The following KTN1 variants were observed in gnomAD, a reference collection of about 807,000 sequenced individuals.
KTN1 encodes the protein kinectin.
Under a neutral mutation model 222.5 loss-of-function variants are expected in KTN1, and 130 were observed. That is an observed-to-expected ratio of 0.58 (90% confidence interval 0.51 to 0.68). KTN1 has a LOEUF of 0.68. Ranked by LOEUF, KTN1 falls within the 30% of genes least tolerant of loss-of-function variation. KTN1 has a pLI of 0.00. For missense variants in KTN1, 1,508 were observed against 1,500.4 expected, an observed-to-expected ratio of 1.01 and a Z score of -0.08; for synonymous variants, 512 against 496.3, an observed-to-expected ratio of 1.03 and a Z score of -0.42.
chr14:55,672,741 G>A (rs761036711), intron 38 of KTN1, 40 bp downstream of exon 38: 5 of 1,360,190 alleles, frequency 3.7e-6, no homozygotes, highest in South Asian at 2.4e-5. Context: ...CTATGGATTT[G>A]TTTTTAGCAT....
chr14:55,594,900 G>C (rs2034764976), intron 1 of KTN1, among the ~76,000 whole-genome samples: 1 of 152,190 alleles, frequency 6.6e-6, no homozygotes, highest in Non-Finnish European at 1.5e-5. Flanking sequence ...TTTTTGGGAA[G>C]TCTGTTTCTT....
At chr14:55,637,684 A>G in intron 11 of KTN1, 95 bp from the exon 12 acceptor site, 1 of 865,122 alleles carries the variant, frequency 1.2e-6, no homozygotes, top group South Asian at 2.2e-5. Context: ...AAAAAAAGAA[A>G]AAGATAAACA....
chr14:55,594,987 C>A (rs2034778615), intron 1 of KTN1, among the ~76,000 whole-genome samples: 1 of 152,154 alleles, frequency 6.6e-6, no homozygotes, highest in African/African-American at 2.4e-5. Context: ...CTTAAGTTGT[C>A]TGCACAGAAA....
intron 9 of KTN1, among the ~76,000 whole-genome samples, chr14:55,636,041 C>T (rs2041085112): frequency 6.6e-6 from 1 of 151,980 alleles, no homozygotes; most frequent in Admixed American, 6.6e-5. Flanking sequence ...TATAAAAATA[C>T]CTCAAAATAA....
intron 1 of KTN1, among the ~76,000 whole-genome samples, chr14:55,606,575 A>G (rs903335375): frequency 2.0e-5 from 3 of 152,048 alleles, no homozygotes; most frequent in Non-Finnish European, 2.9e-5. Context: ...TAGCAGAAGC[A>G]AGAGCAACTG....
rs540393187 is a variant in KTN1 at position 55,636,643 on chromosome 14, A to G, written c.1549+107A>G. 33 of 689,900 alleles carry G rather than the reference A, an allele frequency of 4.8e-5. No homozygotes were observed. In the East Asian group the frequency reaches 9.1e-4, roughly 19 times the overall value. The allele number at this position is 689,900 out of a possible 1,614,324, so 42.7% of individuals were successfully genotyped here. A position where few individuals can be genotyped will look rare whatever the true frequency, so the allele number is the denominator to read the frequency against. ...TAATTTGGCATTTTGGTTATAGCTC[A>G]ATAAAAATAGCTTTTATACTTTCAG... is the stretch of plus-strand genomic sequence containing the variant. On this transcript the variant is annotated intron_variant, in intron 10 of 43. Coordinates refer to ENST00000395314, the MANE Select transcript of KTN1 (RefSeq NM_001079521.2).
At chr14:55,601,152 T>C (rs964907963) in intron 1 of KTN1, among the ~76,000 whole-genome samples, 6 of 152,228 alleles carry the variant, frequency 3.9e-5, no homozygotes, top group Non-Finnish European at 7.3e-5. Flanking sequence ...AATGGAGAAA[T>C]TAAATTTCAT....
intron 12 of KTN1, 132 bp from the exon 13 acceptor site, chr14:55,639,053 C>A: frequency 1.7e-6 from 1 of 587,602 alleles, no homozygotes; most frequent in South Asian, 2.6e-5. Context: ...TGAACACTTA[C>A]CATGGGCCAG....
At chr14:55,611,304 G>C (rs993148577) in intron 1 of KTN1, among the ~76,000 whole-genome samples, 1 of 125,820 alleles carries the variant, frequency 7.9e-6, no homozygotes, top group African/African-American at 3.3e-5. Flanking sequence ...GTTTCGCCAT[G>C]TTGCCCAGGG....
At chr14:55,624,899 T>C (rs1213394326) in intron 5 of KTN1, among the ~76,000 whole-genome samples, 1 of 152,190 alleles carries the variant, frequency 6.6e-6, no homozygotes, top group Admixed American at 6.5e-5. Flanking sequence ...AGCAGTTTCA[T>C]TGCAGTACAA....
Position 55,636,544 on chromosome 14 carries a change from G to A in KTN1, c.1549+8G>A. 6.3e-7 allele frequency: 1 copy of A among 1,594,042 alleles called. No individual in the cohort carries two copies. Among genetic ancestry groups the A allele is most frequent in the South Asian group, 1.1e-5 (1 of 88,618 alleles). ...ATGAGGCAGCACAGCAAGGTAAGGG[G>A]AAGAAGTATTCATGTAAACTTTGTA... On this transcript the variant is annotated splice_region_variant and intron_variant, in intron 10 of 43. Transcript: ENST00000395314.
At position 55,656,068 on chromosome 14, in the gene KTN1, A is replaced by G; in HGVS notation, c.2828A>G (p.Lys943Arg). ...IVLKEKENELKRLEAMLKERE... is the reference protein window; with the variant it reads ...IVLKEKENELRRLEAMLKERE... Reference sequence around the variant, plus strand: ...TTGAAAGAAAAGGAAAATGAATTGAAGAGGTTAGAAGCCATGCTAAAAGAG... The same window carrying G: ...TTGAAAGAAAAGGAAAATGAATTGAGGAGGTTAGAAGCCATGCTAAAAGAG... Residue 943 changes from lysine (K) to arginine (R), a missense_variant, in exon 29 of 44, where the codon AAG becomes AGG. Coordinates refer to ENST00000395314, the MANE Select transcript of KTN1 (RefSeq NM_001079521.2). 1 of 1,605,700 alleles carries G rather than the reference A, an allele frequency of 6.2e-7. No homozygotes were observed. Among genetic ancestry groups the G allele is most frequent in the Non-Finnish European group, 8.5e-7 (1 of 1,175,092 alleles).
At chr14:55,661,103 G>C (rs1356307407) in intron 31 of KTN1, 1 of 152,490 alleles carries the variant, frequency 6.6e-6, no homozygotes, top group Non-Finnish European at 1.5e-5. Flanking sequence ...TTTGTTGTGG[G>C]TTAGCCATTT....
At chr14:55,677,207 G>A (rs1245463180) in intron 41 of KTN1, among the ~76,000 whole-genome samples, 1 of 152,156 alleles carries the variant, frequency 6.6e-6, no homozygotes, top group Admixed American at 6.5e-5. Context: ...TGGGCATGGT[G>A]GCTCACGCCT....
At position 55,684,276 on chromosome 14, in the gene KTN1, A is replaced by T; in HGVS notation, c.*173A>T. 2.1e-6 allele frequency: 1 copy of T among 476,962 alleles called. No individual in the cohort carries two copies. The highest frequency in any genetic ancestry group is 3.7e-6 in the Non-Finnish European group (1 of 272,396). 29.5% of individuals were successfully genotyped at this position (476,962 alleles called of 1,614,324 possible). ...ATTTAAAGAAGGAAAAAAAAAAGCC[A>T]ACTCTGTAGACACCTTCAGAGTTTA... On this transcript the variant is annotated 3_prime_UTR_variant, in exon 44 of 44. Coordinates refer to ENST00000395314, the MANE Select transcript of KTN1 (RefSeq NM_001079521.2).
At chr14:55,651,629 C>A in intron 24 of KTN1, 1 of 436,304 alleles carries the variant, frequency 2.3e-6, no homozygotes, top group Non-Finnish European at 4.1e-6. Context: ...ACTTGACTAG[C>A]CTAAAGAAAA....
intron 33 of KTN1, among the ~76,000 whole-genome samples, chr14:55,666,810 C>T (rs2044807108): frequency 6.6e-6 from 1 of 151,860 alleles, no homozygotes; most frequent in South Asian, 2.1e-4. Flanking sequence ...TTATATAGTC[C>T]ATCAGTGATG....
At chr14:55,675,665 A>G in intron 40 of KTN1, 170 bp from the exon 41 acceptor site, 1 of 461,356 alleles carries the variant, frequency 2.2e-6, no homozygotes. Context: ...AGCTTTACAG[A>G]TGGGAACCTC....
At chr14:55,582,486 G>T (rs2341889) in intron 1 of KTN1, among the ~76,000 whole-genome samples, 116,090 of 152,074 alleles carry the variant, frequency 0.76, 44,604 homozygotes, top group African/African-American at 0.85. Flanking sequence ...TAACTTGAAT[G>T]TTAAGTTATG....
Sources: allele counts gnomAD v4.1 joint callset (sites outside exome capture counted in the v4.1 genomes callset), GRCh38; gene constraint gnomAD v4.1.1; transcripts MANE v1.5; gene names NCBI Gene and HGNC (gene_info 2026-07-23, HGNC 2026-07-21).